Variants in BIRC6 observed in about 807,000 individuals in gnomAD.
BIRC6 encodes the protein dual E2 ubiquitin-conjugating enzyme/E3 ubiquitin-protein ligase BIRC6.
In BIRC6, 98 loss-of-function variants were observed where a neutral mutation model predicts 503.3. That is an observed-to-expected ratio of 0.19 (90% CI 0.17 to 0.23). The LOEUF is 0.23. BIRC6 is among the 10% of genes least tolerant of loss of function. The pLI is 1.00. For missense variants in BIRC6, 5,360 were observed against 5,806.0 expected (o/e 0.92, Z 2.50); for synonymous variants, 2,240 against 2,078.7 (o/e 1.08, Z -2.11).
At chr2:32,536,503 C>T (rs1212573902) in intron 61 of BIRC6, among the ~76,000 whole-genome samples, 2 of 152,176 alleles carry the variant, frequency 1.3e-5, no homozygotes, top group African/African-American at 2.4e-5. Flanking sequence ...AAGAAGGCAT[C>T]CAGTTTCAGC....
At chr2:32,604,638 TTCTC>T in intron 71 of BIRC6, among the ~76,000 whole-genome samples, 1 of 152,242 alleles carries the variant, frequency 6.6e-6, no homozygotes. Context: ...CTTTATATTT[TTCTC>T]TCAGCAGACA....
intron 61 of BIRC6, among the ~76,000 whole-genome samples, chr2:32,537,601 G>A (rs1402928329): frequency 1.3e-5 from 2 of 152,096 alleles, no homozygotes; most frequent in Non-Finnish European, 2.9e-5. Flanking sequence ...ATCAGTGATG[G>A]CAGAATAAAA....
At chr2:32,427,115 T>G (rs891727344) in intron 10 of BIRC6, among the ~76,000 whole-genome samples, 1 of 152,118 alleles carries the variant, frequency 6.6e-6, no homozygotes, top group African/African-American at 2.4e-5. Flanking sequence ...TTATCCTATT[T>G]GAGGGTCATT....
At chr2:32,493,431 G>A (rs2052006225) in intron 44 of BIRC6, 109 bp from the exon 45 acceptor site, 12 of 1,024,838 alleles carry the variant, frequency 1.2e-5, no homozygotes, top group South Asian at 1.0e-4. Context: ...TTCCTCGTAC[G>A]AAAAGTTACA....
At chr2:32,583,576 T>G (rs1304901100) in intron 66 of BIRC6, among the ~76,000 whole-genome samples, 1 of 152,234 alleles carries the variant, frequency 6.6e-6, no homozygotes, top group Non-Finnish European at 1.5e-5. Context: ...CTTTGCATTT[T>G]TTGAACTAGA....
intron 16 of BIRC6, 34 bp downstream of exon 16, chr2:32,439,720 A>G (rs1168138766): frequency 6.3e-7 from 1 of 1,576,914 alleles, no homozygotes; most frequent in Middle Eastern, 1.7e-4. Flanking sequence ...ATAACAATAC[A>G]GTTTTAAACA....
chr2:32,545,803 C>T lies in BIRC6; in HGVS notation c.12753C>T (p.Leu4251=). The T allele has an allele frequency of 6.2e-7, 1 of 1,613,930 alleles. No individual in the cohort carries two copies. The highest frequency in any genetic ancestry group is 1.3e-5 in the African/African-American group (1 of 75,022). The change falls in exon 63 of 74, where the codon CTC becomes CTT. Residue 4251 remains leucine (L), a synonymous_variant. Coordinates refer to ENST00000421745, the MANE Select transcript of BIRC6 (RefSeq NM_016252.4). ...CCTTACACCTCATTCTTGTCTGTCT[C>T]TCTGCTTTGAGCCACCATTCCCCAC... The part of the protein sequence containing the change: ...IGALHLILVC[L]SALSHHSPRV...
In BIRC6 at chr2:32,563,149, T is replaced by A. The variant is rs138825277; in HGVS notation, c.13145-12007T>A. ...GGGTTTTGGTTGGAACAATGTGTCC[T>A]CTGTTCTGTTTCTCTTTGTATGTTA... On this transcript the variant is annotated intron_variant, in intron 65 of 73. Transcript: ENST00000421745. Among the ~76,000 whole-genome samples the A allele has an allele frequency of 8.5e-3, 1,293 of 152,350 alleles. 9 individuals are homozygous for A. The highest frequency in any genetic ancestry group is 0.02 in the Middle Eastern group (6 of 294).
intron 22 of BIRC6, chr2:32,449,241 A>T (rs1304683704): frequency 5.4e-6 from 1 of 184,692 alleles, no homozygotes; most frequent in Admixed American, 6.1e-5. Context: ...TAGCCTTTTC[A>T]GTTTTATTTG....
At chr2:32,586,360 A>G (rs2061024773) in intron 66 of BIRC6, among the ~76,000 whole-genome samples, 2 of 148,754 alleles carry the variant, frequency 1.3e-5, no homozygotes, top group Non-Finnish European at 3.0e-5. Flanking sequence ...AAATGGCATT[A>G]TATGAGCTTT....
At chr2:32,369,102 C>T (rs193285392) in intron 1 of BIRC6, among the ~76,000 whole-genome samples, 4 of 152,216 alleles carry the variant, frequency 2.6e-5, no homozygotes, top group African/African-American at 9.6e-5. Context: ...CTGCATGATG[C>T]AAGATAGCAT....
rs2054599029 is a variant in BIRC6, at chr2:32,513,036, T to C, written c.10450T>C (p.Tyr3484His). 4 of 1,613,688 alleles carry C rather than the reference T, an allele frequency of 2.5e-6. No homozygotes were observed. Among genetic ancestry groups the C allele is most frequent in the Middle Eastern group, 1.6e-4 (1 of 6,078 alleles). Reference sequence around the variant, plus strand: ...GTGTCCTAACTCCTCAACAGTAGAGTATGGTCTTCTGATGCCATCTCCTTC... The same window carrying C: ...GTGTCCTAACTCCTCAACAGTAGAGCATGGTCTTCTGATGCCATCTCCTTC... ...YMCPNSSTVE[Y>H]GLLMPSPSHL... Residue 3484 changes from tyrosine (Y) to histidine (H), a missense_variant, in exon 54 of 74, where the codon TAT (tyrosine) becomes CAT (histidine). Tyr to His is a moderately conservative substitution (Grantham distance 83). Coordinates refer to ENST00000421745, the MANE Select transcript of BIRC6 (RefSeq NM_016252.4).
chr2:32,399,137 G>A (rs1419402838), intron 6 of BIRC6, among the ~76,000 whole-genome samples: 1 of 152,090 alleles, frequency 6.6e-6, no homozygotes, highest in African/African-American at 2.4e-5. Context: ...CCAGGCTGGA[G>A]TGCAGTGGCG....
At chr2:32,491,704 A>G (rs1233077562) in intron 44 of BIRC6, 146 bp downstream of exon 44, 5 of 867,022 alleles carry the variant, frequency 5.8e-6, no homozygotes, top group Admixed American at 6.2e-5. Flanking sequence ...GTTATTTGTA[A>G]TAATAGCTAT....
intron 66 of BIRC6, among the ~76,000 whole-genome samples, chr2:32,586,512 C>T (rs1186225915): frequency 2.0e-5 from 3 of 148,284 alleles, no homozygotes; most frequent in Middle Eastern, 3.6e-3. Context: ...CTGCAACCTC[C>T]ACCACCCAGA....
chr2:32,358,515 A>G (rs2033547335), intron 1 of BIRC6, among the ~76,000 whole-genome samples: 1 of 152,180 alleles, frequency 6.6e-6, no homozygotes, highest in African/African-American at 2.4e-5. Flanking sequence ...TTTAGATTGA[A>G]AAGTTAGTGT....
chr2:32,535,710 G>A (rs2057175493), intron 61 of BIRC6, among the ~76,000 whole-genome samples: 1 of 152,154 alleles, frequency 6.6e-6, no homozygotes, highest in Admixed American at 6.5e-5. Context: ...TATCACTGTT[G>A]GACATTTGGC....
In BIRC6 at chr2:32,467,712, A is replaced by T; in HGVS notation, c.5544A>T (p.Ile1848=). 6.2e-7 allele frequency: 1 copy of T among 1,613,668 alleles called. No homozygotes were observed. The highest frequency in any genetic ancestry group is 8.5e-7 in the Non-Finnish European group (1 of 1,179,726). The change falls in exon 27 of 74, where the codon ATA becomes ATT. Residue 1848 remains isoleucine, a synonymous_variant. Transcript: ENST00000421745. ...STHSLILHDL[I]PPPVCRFMKI... Reference sequence around the variant, plus strand: ...ATTCACTAATTCTTCATGACTTAATACCACCTCCCGTGTGCAGATTCATGA... The same window carrying T: ...ATTCACTAATTCTTCATGACTTAATTCCACCTCCCGTGTGCAGATTCATGA...
intron 61 of BIRC6, among the ~76,000 whole-genome samples, chr2:32,540,124 T>C (rs1025542280): frequency 4.6e-5 from 7 of 152,076 alleles, no homozygotes; most frequent in Admixed American, 3.9e-4. Context: ...TTATGCAGAA[T>C]TGTAATCAAA....
Sources: allele counts gnomAD v4.1 joint callset (sites outside exome capture counted in the v4.1 genomes callset), GRCh38; gene constraint gnomAD v4.1.1; transcripts MANE v1.5; gene names NCBI Gene and HGNC (gene_info 2026-07-23, HGNC 2026-07-21).